Variants in DYSF observed in about 807,000 individuals in gnomAD.
DYSF encodes dysferlin.
A neutral mutation model predicts 274.9 loss-of-function variants in DYSF; 212 were observed. The observed-to-expected ratio is 0.77, with a 90% CI of 0.69 to 0.86. The LOEUF (loss-of-function observed/expected upper bound fraction) is 0.86, where lower values mean the gene tolerates loss of function less well. DYSF is among the 40% of genes least tolerant of loss of function. DYSF has a pLI of 0.00. For missense variants in DYSF, 2,666 were observed against 2,783.2 expected (o/e 0.96, Z 0.95); for synonymous variants, 1,091 against 1,078.7 (o/e 1.01, Z -0.22).
In DYSF at chr2:71,553,893, G is replaced by A. The variant is rs756834373; in HGVS notation, c.2071G>A (p.Glu691Lys). The A allele has an allele frequency of 6.2e-6, 10 of 1,614,046 alleles. No homozygotes were observed. In the East Asian group the frequency reaches 8.9e-5, roughly 14 times the overall value. The change falls in exon 21 of 56, where the codon GAG becomes AAG. Residue 691 changes from glutamate to lysine, a missense_variant. Glu to Lys is a moderately conservative substitution (Grantham distance 56, BLOSUM62 1). Transcript: ENST00000410020. ...SYWEDISHRI[E>K]TQNQLLGIAD... is the part of the protein sequence containing the mutation. The stretch of plus-strand genomic sequence containing the variant: ...CTGGGAGGACATCAGCCATAGAATC[G>A]AGACTCAGAACCAGCTGCTTGGGAT...
intron 24 of DYSF, among the ~76,000 whole-genome samples, chr2:71,565,744 A>C (rs956132059): frequency 3.3e-5 from 5 of 152,162 alleles, no homozygotes; most frequent in African/African-American, 1.2e-4. Context: ...AACCTCTCTG[A>C]ATTGCCTGTT....
chr2:71,534,754 T>G (rs1336906926), intron 14 of DYSF, among the ~76,000 whole-genome samples: 2 of 151,994 alleles, frequency 1.3e-5, no homozygotes, highest in African/African-American at 4.8e-5. Flanking sequence ...GAGGTGTGAG[T>G]TAAGGGTAGA....
intron 40 of DYSF, among the ~76,000 whole-genome samples, chr2:71,618,284 A>AGGT (rs1221992817): frequency 6.7e-5 from 1 of 14,872 alleles, no homozygotes; most frequent in Non-Finnish European, 1.2e-4. Context: ...TGTGTGGTAG[A>AGGT]GGTGTGTGTG....
rs2093554132 is a variant in DYSF at position 71,601,667 on chromosome 2, G to T, written c.3927+139G>T. On this transcript the variant is annotated intron_variant, in intron 35 of 55. Coordinates refer to ENST00000410020, the MANE Select transcript of DYSF (RefSeq NM_001130987.2). Reference sequence around the variant, plus strand: ...CCCGGGGAAGCTCTTTCAAGCAGAGGAGGGCCCGGGCTGGAGGGAGCTCAA... The same window carrying T: ...CCCGGGGAAGCTCTTTCAAGCAGAGTAGGGCCCGGGCTGGAGGGAGCTCAA... 2.6e-6 allele frequency: 3 copies of T among 1,148,210 alleles called. No individual in the cohort carries two copies. The Admixed American group carries it at 5.8e-5, about 22-fold the overall frequency. The allele number at this position is 1,148,210 out of a possible 1,614,324, so 71.1% of individuals were successfully genotyped here.
chr2:71,618,463 T>G, intron 40 of DYSF, among the ~76,000 whole-genome samples: 1 of 136,586 alleles, frequency 7.3e-6, no homozygotes, highest in East Asian at 2.2e-4. Context: ...GGGTTGTGTG[T>G]GTGTGGTAGA....
chr2:71,509,002 G>T (rs2085792608), intron 4 of DYSF, among the ~76,000 whole-genome samples: 1 of 151,956 alleles, frequency 6.6e-6, no homozygotes. Context: ...ACAGGGGCAT[G>T]CCACCACACC....
At chr2:71,595,778 G>A (rs1216039738) in intron 32 of DYSF, among the ~76,000 whole-genome samples, 1 of 152,252 alleles carries the variant, frequency 6.6e-6, no homozygotes, top group Non-Finnish European at 1.5e-5. Flanking sequence ...GCCTCAGCTA[G>A]GGCACGATGT....
At position 71,611,293 on chromosome 2, in the gene DYSF, A is replaced by G. The variant is rs748883338; in HGVS notation, c.4006A>G (p.Ile1336Val). ...CCCACCACCCCAGAGGGAGGCCAAC[A>G]TCTACATGGTTCCTCAGAACATCAA... is the stretch of plus-strand genomic sequence containing the variant. Reference protein sequence around the residue: ...PYPPPQREANIYMVPQNIKPA... With the variant: ...PYPPPQREANVYMVPQNIKPA... The change falls in exon 37 of 56, where the codon ATC (isoleucine) becomes GTC (valine). Residue 1336 changes from isoleucine to valine, a missense_variant. This residue lies in a region of DYSF where 1,460 missense variants were observed against 1,502.1 expected (regional missense o/e 0.97). Coordinates refer to ENST00000410020, the MANE Select transcript of DYSF (RefSeq NM_001130987.2). 1 of 1,613,976 alleles carries G rather than the reference A, an allele frequency of 6.2e-7. No individual in the cohort carries two copies. Among genetic ancestry groups the G allele is most frequent in the South Asian group, 1.1e-5 (1 of 91,084 alleles).
At chr2:71,536,711 G>T (rs1269238748) in intron 16 of DYSF, among the ~76,000 whole-genome samples, 1 of 152,140 alleles carries the variant, frequency 6.6e-6, no homozygotes, top group Non-Finnish European at 1.5e-5. Context: ...GGGTTGAAGT[G>T]GCATTTTTAT....
At chr2:71,669,538 G>A (rs1268528527) in intron 50 of DYSF, 67 bp from the exon 51 acceptor site, 6 of 1,599,568 alleles carry the variant, frequency 3.8e-6, no homozygotes, top group South Asian at 1.1e-5. Context: ...GTCTGCCTAA[G>A]TTGACGATGT....
At chr2:71,620,523 C>G (rs558726495) in intron 40 of DYSF, 24 bp from the exon 41 acceptor site, 1 of 1,551,612 alleles carries the variant, frequency 6.4e-7, no homozygotes, top group Non-Finnish European at 8.7e-7. Flanking sequence ...AATCCTGTTG[C>G]TAACCAGCAT....
intron 53 of DYSF, among the ~76,000 whole-genome samples, chr2:71,680,255 T>A (rs1446167023): frequency 1.3e-5 from 2 of 152,310 alleles, no homozygotes; most frequent in East Asian, 3.9e-4. Context: ...ACTGTATTTT[T>A]AAATGTGTTT....
chr2:71,519,815 T>G (rs1390850959), intron 10 of DYSF, among the ~76,000 whole-genome samples: 1 of 142,630 alleles, frequency 7.0e-6, no homozygotes, highest in Non-Finnish European at 1.5e-5. Context: ...CGGCTAGTTT[T>G]TTTTTTTTTT....
intron 14 of DYSF, among the ~76,000 whole-genome samples, chr2:71,531,174 A>C (rs2088659703): frequency 6.6e-6 from 1 of 152,024 alleles, no homozygotes; most frequent in Admixed American, 6.5e-5. Flanking sequence ...CCACTGCACC[A>C]TATTCTGTAC....
At chr2:71,627,791 A>G (rs926473026) in intron 41 of DYSF, among the ~76,000 whole-genome samples, 1 of 152,084 alleles carries the variant, frequency 6.6e-6, no homozygotes, top group Non-Finnish European at 1.5e-5. Flanking sequence ...TTCCTGGAGA[A>G]TTGAATCTTT....
At chr2:71,478,372 C>T (rs541594885) in intron 1 of DYSF, among the ~76,000 whole-genome samples, 37 of 151,944 alleles carry the variant, frequency 2.4e-4, no homozygotes, top group South Asian at 4.2e-4. Context: ...CCACCATGCC[C>T]GGCTAATTTT....
upstream of DYSF, among the ~76,000 whole-genome samples, chr2:71,461,775 A>G (rs1351262385): frequency 6.6e-6 from 1 of 152,222 alleles, no homozygotes; most frequent in Non-Finnish European, 1.5e-5. Context: ...AGATGGTACC[A>G]AAGTCACAGG....
chr2:71,520,220 C>T lies in DYSF; in HGVS notation c.1033+12C>T. On this transcript the variant is annotated intron_variant, in intron 11 of 55. Transcript: ENST00000410020. ...TTACAGAGAGCCCCGTGAGTTCTCA[C>T]CACTTTGGCCGTATCCTTGCATTTT... The T allele has an allele frequency of 6.2e-7, 1 of 1,614,136 alleles. No individual in the cohort carries two copies. Among genetic ancestry groups the T allele is most frequent in the Non-Finnish European group, 8.5e-7 (1 of 1,180,002 alleles).
chr2:71,534,905 C>A, intron 14 of DYSF, 116 bp from the exon 15 acceptor site: 1 of 1,108,694 alleles, frequency 9.0e-7, no homozygotes, highest in Non-Finnish European at 1.4e-6. Context: ...GGTCTTACAC[C>A]CAGCCCTAAG....
Sources: allele counts gnomAD v4.1 joint callset (sites outside exome capture counted in the v4.1 genomes callset), GRCh38; gene constraint gnomAD v4.1.1; regional missense constraint gnomAD v4.1.1; transcripts MANE v1.5; gene names NCBI Gene and HGNC (gene_info 2026-07-23, HGNC 2026-07-21).